PLCH1: variants seen among roughly 807,000 people sequenced by gnomAD.
PLCH1 encodes phospholipase C eta 1.
Under a neutral mutation model 126.7 loss-of-function variants are expected in PLCH1, and 60 were observed. The ratio of observed to expected loss-of-function variants is 0.47; its 90% CI spans 0.38 to 0.59. The LOEUF (loss-of-function observed/expected upper bound fraction) is 0.59. Ranked by LOEUF, PLCH1 falls within the 20% of genes least tolerant of loss-of-function variation. The probability of loss-of-function intolerance (pLI) is 0.00; values close to 1 mark genes in which losing one functional copy is unlikely to be tolerated. For missense variants in PLCH1, 1,723 were observed against 2,040.0 expected, an observed-to-expected ratio of 0.84 and a Z score of 2.99; for synonymous variants, 719 against 734.9, an observed-to-expected ratio of 0.98 and a Z score of 0.35.
intron 2 of PLCH1, among the ~76,000 whole-genome samples, chr3:155,615,156 A>G (rs1478097140): frequency 6.6e-6 from 1 of 152,196 alleles, no homozygotes; most frequent in African/African-American, 2.4e-5. Context: ...AAGAAGATAT[A>G]CAAATGGACA....
intron 11 of PLCH1, among the ~76,000 whole-genome samples, chr3:155,522,710 CTTTT>C (rs76460443): frequency 3.0e-4 from 42 of 140,844 alleles, no homozygotes; most frequent in Middle Eastern, 3.6e-3. Flanking sequence ...ATTTCTCTCT[CTTTT>C]TTTTTTTTTT....
intron 21 of PLCH1, among the ~76,000 whole-genome samples, chr3:155,453,096 C>T (rs2107965804): frequency 6.6e-6 from 1 of 152,198 alleles, no homozygotes; most frequent in Middle Eastern, 3.4e-3. Flanking sequence ...CCTCCTCACA[C>T]CCAGTGGAAG....
chr3:155,528,256 A>T (rs1722232520), intron 10 of PLCH1, among the ~76,000 whole-genome samples: 1 of 149,908 alleles, frequency 6.7e-6, no homozygotes. Flanking sequence ...AAAAGTTGGG[A>T]TCTAATTTGT....
intron 2 of PLCH1, among the ~76,000 whole-genome samples, chr3:155,611,322 G>A (rs144171822): frequency 2.5e-4 from 38 of 152,090 alleles, no homozygotes; most frequent in Admixed American, 1.7e-3. Context: ...CCTGGGAGGC[G>A]GAGGTTGCAG....
intron 2 of PLCH1, among the ~76,000 whole-genome samples, chr3:155,634,646 C>T (rs1338546366): frequency 6.6e-6 from 1 of 152,204 alleles, no homozygotes; most frequent in Non-Finnish European, 1.5e-5. Context: ...CTGGAGAAAA[C>T]TGCTTCTCTC....
chr3:155,550,616 G>T (rs537705224), intron 9 of PLCH1, among the ~76,000 whole-genome samples: 3 of 152,250 alleles, frequency 2.0e-5, no homozygotes, highest in African/African-American at 7.2e-5. Flanking sequence ...TTACCTAAAG[G>T]AGTTGGTGGC....
intron 2 of PLCH1, among the ~76,000 whole-genome samples, chr3:155,686,658 T>C (rs888390737): frequency 2.0e-5 from 3 of 152,170 alleles, no homozygotes; most frequent in African/African-American, 7.2e-5. Context: ...GCATCCTCAC[T>C]GATCAAAAGT....
intron 10 of PLCH1, among the ~76,000 whole-genome samples, chr3:155,527,460 T>C (rs1328659523): frequency 6.6e-6 from 1 of 152,238 alleles, no homozygotes; most frequent in Admixed American, 6.5e-5. Context: ...ACACCTTCCT[T>C]GATACCCAAA....
At chr3:155,662,549 G>A in intron 2 of PLCH1, among the ~76,000 whole-genome samples, 1 of 151,172 alleles carries the variant, frequency 6.6e-6, no homozygotes, top group Non-Finnish European at 1.5e-5. Flanking sequence ...TAAAATAAGA[G>A]ACTAAAATAA....
intron 21 of PLCH1, among the ~76,000 whole-genome samples, chr3:155,471,899 A>G (rs1713267685): frequency 6.6e-6 from 1 of 152,118 alleles, no homozygotes; most frequent in African/African-American, 2.4e-5. Context: ...GACACAACAT[A>G]CCAGAATCTC....
chr3:155,598,215 C>T (rs1279215228), intron 2 of PLCH1, among the ~76,000 whole-genome samples: 2 of 151,956 alleles, frequency 1.3e-5, no homozygotes, highest in African/African-American at 4.8e-5. Flanking sequence ...AATAAACACA[C>T]AAACTTGAAA....
chr3:155,618,132 T>C (rs1215968209), intron 2 of PLCH1, among the ~76,000 whole-genome samples: 1 of 152,238 alleles, frequency 6.6e-6, no homozygotes, highest in African/African-American at 2.4e-5. Flanking sequence ...ACAAATTGGT[T>C]CTACCATGAT....
intron 21 of PLCH1, among the ~76,000 whole-genome samples, chr3:155,465,644 A>C (rs1175903189): frequency 6.6e-6 from 1 of 152,042 alleles, no homozygotes; most frequent in Non-Finnish European, 1.5e-5. Flanking sequence ...TGTACCAGCA[A>C]GGCCACAGGG....
rs552863846 is a variant in PLCH1 at position 155,620,334 on chromosome 3, C to T, written c.80-23956G>A. On this transcript the variant is annotated intron_variant, in intron 2 of 22. Coordinates refer to ENST00000460012, the MANE Select transcript of PLCH1 (RefSeq NM_014996.4). Reference sequence around the variant, plus strand: ...TACTAACGTATGCACGTACATCTGCCACACACTTCCTGAGCAGCACCAGGT... The same window carrying T: ...TACTAACGTATGCACGTACATCTGCTACACACTTCCTGAGCAGCACCAGGT... Among the ~76,000 whole-genome samples the T allele has an allele frequency of 2.2e-3, 335 of 152,276 alleles. 2 individuals carry two copies. The highest frequency in any genetic ancestry group is 3.6e-3 in the Admixed American group (55 of 15,296).
intron 4 of PLCH1, among the ~76,000 whole-genome samples, chr3:155,587,748 T>A (rs1405429882): frequency 3.9e-5 from 6 of 152,218 alleles, no homozygotes; most frequent in African/African-American, 1.4e-4. Context: ...TGGGTTGCTT[T>A]ACATAGTGAG....
intron 2 of PLCH1, among the ~76,000 whole-genome samples, chr3:155,626,399 G>A (rs1236401901): frequency 6.6e-6 from 1 of 151,764 alleles, no homozygotes; most frequent in Non-Finnish European, 1.5e-5. Context: ...TAACTAACTC[G>A]GTCCTCCTAG....
At chr3:155,458,482 G>A (rs1712562412) in intron 21 of PLCH1, among the ~76,000 whole-genome samples, 1 of 98,910 alleles carries the variant, frequency 1.0e-5, no homozygotes, top group African/African-American at 9.1e-5. Context: ...AAGAAAGAAA[G>A]AAAGAAAGAA....
intron 21 of PLCH1, among the ~76,000 whole-genome samples, chr3:155,458,932 T>G (rs566978556): frequency 4.8e-4 from 73 of 152,328 alleles, no homozygotes; most frequent in African/African-American, 1.4e-3. Context: ...TCCCTAGGGT[T>G]GTACCTCCAT....
intron 12 of PLCH1, among the ~76,000 whole-genome samples, chr3:155,508,645 C>T (rs1385982116): frequency 8.4e-6 from 1 of 119,624 alleles, no homozygotes; most frequent in Admixed American, 9.0e-5. Context: ...TGTTTATATG[C>T]TGGATTACAT....
Sources: gnomAD v4.1 joint callset for allele counts (sites outside exome capture counted in the v4.1 genomes callset) on GRCh38, gnomAD v4.1.1 for gene constraint, MANE v1.5 for transcripts, NCBI Gene and HGNC (gene_info 2026-07-23, HGNC 2026-07-21) for gene names.